TACR3: variants seen among roughly 807,000 people sequenced by gnomAD.
TACR3 encodes tachykinin receptor 3, also known as neuromedin-K receptor.
A neutral mutation model predicts 35.0 loss-of-function variants in TACR3; 34 were observed. The ratio of observed to expected loss-of-function variants is 0.97; its 90% CI spans 0.74 to 1.30. TACR3 has a LOEUF of 1.30. TACR3 is among the 50% of genes most tolerant of loss of function. The pLI, the probability that TACR3 is intolerant of heterozygous loss-of-function variation, is 0.00. For missense variants in TACR3, 558 were observed against 591.7 expected (o/e 0.94, Z 0.59); for synonymous variants, 233 against 221.1 (o/e 1.05, Z -0.48).
At chr4:103,623,758 C>G (rs1033757374) in intron 3 of TACR3, among the ~76,000 whole-genome samples, 1 of 152,118 alleles carries the variant, frequency 6.6e-6, no homozygotes, top group Non-Finnish European at 1.5e-5. Flanking sequence ...GTACTGGATT[C>G]AGAGGTCTCT....
chr4:103,713,853 A>C (rs1298382591), intron 1 of TACR3, among the ~76,000 whole-genome samples: 1 of 152,134 alleles, frequency 6.6e-6, no homozygotes, highest in African/African-American at 2.4e-5. Flanking sequence ...CTAAGGAGGA[A>C]GGATATCAGA....
chr4:103,706,568 TA>T (rs1722795487), intron 1 of TACR3, among the ~76,000 whole-genome samples: 2 of 152,106 alleles, frequency 1.3e-5, no homozygotes, highest in South Asian at 4.1e-4. Context: ...TGTATGTATA[TA>T]ATGTACTATA....
Position 103,589,655 on chromosome 4 carries a change from A to T in TACR3, c.*27T>A, listed in dbSNP as rs764675261. 6.2e-7 allele frequency: 1 copy of T among 1,613,038 alleles called. No homozygotes were observed. The highest frequency in any genetic ancestry group is 8.5e-7 in the Non-Finnish European group (1 of 1,179,200). ...TAGACTGGCACCATGATGGTCTCAC[A>T]CTAATCTTTTACCTCAGGAAATGGA... On this transcript the variant is annotated 3_prime_UTR_variant, in exon 5 of 5. Transcript: ENST00000304883.
intron 3 of TACR3, among the ~76,000 whole-genome samples, chr4:103,628,540 A>G (rs1724966174): frequency 2.6e-5 from 4 of 152,210 alleles, no homozygotes; most frequent in African/African-American, 9.6e-5. Context: ...AATAAACTAG[A>G]AAATCTAGAA....
At chr4:103,686,497 C>T (rs1416804456) in intron 1 of TACR3, among the ~76,000 whole-genome samples, 1 of 152,012 alleles carries the variant, frequency 6.6e-6, no homozygotes, top group African/African-American at 2.4e-5. Flanking sequence ...AATTAGTACA[C>T]ACAAGTCACT....
chr4:103,597,202 G>C (rs1485224675), intron 3 of TACR3, among the ~76,000 whole-genome samples: 66 of 146,664 alleles, frequency 4.5e-4, no homozygotes, highest in Non-Finnish European at 8.9e-4. Context: ...GGTTGAACTA[G>C]TTTACAGTCC....
At chr4:103,685,603 A>C (rs1032010176) in intron 1 of TACR3, among the ~76,000 whole-genome samples, 4 of 152,180 alleles carry the variant, frequency 2.6e-5, no homozygotes, top group Admixed American at 2.0e-4. Context: ...TTTGCAAATC[A>C]CATACCTGAC....
intron 1 of TACR3, among the ~76,000 whole-genome samples, chr4:103,676,549 C>T (rs1021210647): frequency 1.1e-4 from 17 of 151,906 alleles, no homozygotes; most frequent in African/African-American, 4.1e-4. Flanking sequence ...AATAAAGAAT[C>T]CAGAAATAAG....
chr4:103,616,367 T>C lies in TACR3; in HGVS notation c.889-24684A>G, dbSNP rs568344900. On this transcript the variant is annotated intron_variant, in intron 3 of 4. Coordinates refer to ENST00000304883, the MANE Select transcript of TACR3 (RefSeq NM_001059.3). ...GCATATACATAAATAACATATGGAGTATATAGTATATATAGTATTGTACAA... is the reference window on the plus strand; with the variant it reads ...GCATATACATAAATAACATATGGAGCATATAGTATATATAGTATTGTACAA... Among the ~76,000 whole-genome samples the C allele has an allele frequency of 2.0e-5, 3 of 152,074 alleles. No individual in the cohort carries two copies. The South Asian group carries it at 6.2e-4, about 32-fold the overall frequency.
chr4:103,658,357 C>T lies in TACR3; in HGVS notation c.595G>A (p.Ala199Thr), dbSNP rs1474530864. 6.2e-7 allele frequency: 1 copy of T among 1,613,868 alleles called. No individual in the cohort carries two copies. The highest frequency in any genetic ancestry group is 2.2e-5 in the East Asian group (1 of 44,806). Residue 199 changes from alanine (A) to threonine (T), a missense_variant, in exon 2 of 5, where the codon GCA becomes ACA. Physicochemically the swap from Ala to Thr is moderately conservative, Grantham distance 58 (BLOSUM62 0). Transcript: ENST00000304883. Reference protein sequence around the residue: ...DPLKPRLSATATKIVIGSIWI... With the variant: ...DPLKPRLSATTTKIVIGSIWI... ...ATACTTCCAATGACAATCTTGGTTG[C>T]TGTAGCAGACAGTCTGGGTTTCAAG... is the stretch of plus-strand genomic sequence containing the variant.
intron 1 of TACR3, among the ~76,000 whole-genome samples, chr4:103,704,798 C>T (rs1354965526): frequency 6.6e-6 from 1 of 152,162 alleles, no homozygotes; most frequent in African/African-American, 2.4e-5. Context: ...CTCTCCCCGA[C>T]TATCCTCACT....
intron 3 of TACR3, among the ~76,000 whole-genome samples, chr4:103,599,647 G>T (rs933331356): frequency 6.6e-6 from 1 of 152,132 alleles, no homozygotes; most frequent in African/African-American, 2.4e-5. Flanking sequence ...CTAATTTATT[G>T]AGATTTTTTA....
chr4:103,618,488 T>G (rs1044011959), intron 3 of TACR3, among the ~76,000 whole-genome samples: 1 of 151,860 alleles, frequency 6.6e-6, no homozygotes, highest in African/African-American at 2.4e-5. Context: ...TGTGGCTTTA[T>G]AGCATAGTTT....
chr4:103,597,193 G>A (rs1336851535), intron 3 of TACR3, among the ~76,000 whole-genome samples: 29 of 145,248 alleles, frequency 2.0e-4, no homozygotes, highest in Non-Finnish European at 4.1e-4. Context: ...TTCCACAATG[G>A]TTGAACTAGT....
At position 103,682,318 on chromosome 4, in the gene TACR3, A is replaced by G. The variant is rs534755396; in HGVS notation, c.549-23915T>C. Reference sequence around the variant, plus strand: ...ATAAAGATACTACCCAAGAGTGGATAATTTAAAAACAAAGTAGGTTTAATT... The same window carrying G: ...ATAAAGATACTACCCAAGAGTGGATGATTTAAAAACAAAGTAGGTTTAATT... On this transcript the variant is annotated intron_variant, in intron 1 of 4. Transcript: ENST00000304883. Among the ~76,000 whole-genome samples, 5 of 152,244 alleles carry G rather than the reference A, an allele frequency of 3.3e-5. No individual in the cohort carries two copies. The South Asian group carries it at 1.0e-3, about 32-fold the overall frequency.
At chr4:103,601,575 G>A (rs1724202595) in intron 3 of TACR3, among the ~76,000 whole-genome samples, 1 of 152,158 alleles carries the variant, frequency 6.6e-6, no homozygotes, top group Non-Finnish European at 1.5e-5. Context: ...TTTTAGGGCA[G>A]GCCTGGTGGT....
At chr4:103,622,479 C>T (rs1724804781) in intron 3 of TACR3, among the ~76,000 whole-genome samples, 1 of 152,166 alleles carries the variant, frequency 6.6e-6, no homozygotes, top group Non-Finnish European at 1.5e-5. Context: ...CGCCTGCAAT[C>T]CCAGCAGTTT....
chr4:103,657,200 G>A (rs372955614), intron 2 of TACR3, among the ~76,000 whole-genome samples: 25 of 147,770 alleles, frequency 1.7e-4, no homozygotes, highest in African/African-American at 5.7e-4. Flanking sequence ...TTGTTAGAAC[G>A]GTCTTCTCCA....
At chr4:103,700,264 A>C (rs957516315) in intron 1 of TACR3, among the ~76,000 whole-genome samples, 2 of 152,110 alleles carry the variant, frequency 1.3e-5, no homozygotes, top group African/African-American at 2.4e-5. Flanking sequence ...AATGTGCACA[A>C]CTGTTTCCTT....
Sources: gnomAD v4.1 joint callset for allele counts (sites outside exome capture counted in the v4.1 genomes callset) on GRCh38, gnomAD v4.1.1 for gene constraint, MANE v1.5 for transcripts, NCBI Gene and HGNC (gene_info 2026-07-23, HGNC 2026-07-21) for gene names.